The following CA10 variants were observed in gnomAD, a reference collection of about 807,000 sequenced individuals.
CA10 encodes the protein carbonic anhydrase 10 (inactive).
Under a neutral mutation model 44.2 loss-of-function variants are expected in CA10, and 14 were observed. That is an observed-to-expected ratio of 0.32 (90% CI 0.21 to 0.50). CA10 has a LOEUF of 0.50. Ranked by LOEUF, CA10 falls within the 20% of genes least tolerant of loss-of-function variation. The pLI, the probability that CA10 is intolerant of heterozygous loss-of-function variation, is 0.99. For missense variants in CA10, 350 were observed against 409.7 expected, an observed-to-expected ratio of 0.85 and a Z score of 1.26; for synonymous variants, 159 against 141.6, an observed-to-expected ratio of 1.12 and a Z score of -0.87.
Position 51,951,467 on chromosome 17 carries a change from T to A in CA10, c.137-20335A>T, listed in dbSNP as rs113071370. Among the ~76,000 whole-genome samples, 814 of 152,274 alleles carry A rather than the reference T, an allele frequency of 5.3e-3. 5 individuals carry two copies. Among genetic ancestry groups the A allele is most frequent in the African/African-American group, 0.019 (776 of 41,570 alleles). On this transcript the variant is annotated intron_variant, in intron 2 of 8. Transcript: ENST00000451037. ...TATGATGCTCCATTACTTAATTATC[T>A]TATAACTCTTAGGGCTTAGTTGCCC...
intron 1 of CA10, among the ~76,000 whole-genome samples, chr17:52,100,853 G>T (rs911540706): frequency 1.3e-5 from 2 of 152,152 alleles, no homozygotes; most frequent in African/African-American, 4.8e-5. Context: ...TACATGCTTA[G>T]TAAGGTCTTT....
At chr17:51,806,037 G>A (rs374918225) in intron 3 of CA10, among the ~76,000 whole-genome samples, 30 of 152,258 alleles carry the variant, frequency 2.0e-4, no homozygotes, top group Middle Eastern at 3.4e-3. Context: ...AAAGGAGGCC[G>A]CTGCACTTAA....
intron 2 of CA10, among the ~76,000 whole-genome samples, chr17:52,028,755 G>A (rs1986375683): frequency 6.6e-6 from 1 of 152,188 alleles, no homozygotes; most frequent in Admixed American, 6.5e-5. Context: ...CCATCATCTT[G>A]ATTTAGACAT....
intron 3 of CA10, among the ~76,000 whole-genome samples, chr17:51,927,620 C>A (rs553090271): frequency 5.3e-5 from 8 of 152,118 alleles, no homozygotes; most frequent in African/African-American, 1.9e-4. Flanking sequence ...TGTGACTATA[C>A]ACTAAAATTA....
At chr17:51,910,719 G>A (rs942699032) in intron 3 of CA10, among the ~76,000 whole-genome samples, 1 of 152,126 alleles carries the variant, frequency 6.6e-6, no homozygotes, top group Non-Finnish European at 1.5e-5. Context: ...AGGAAGCAAG[G>A]TTTTTCCTAG....
intron 5 of CA10, among the ~76,000 whole-genome samples, chr17:51,649,970 C>A (rs1363110629): frequency 8.3e-6 from 1 of 121,036 alleles, no homozygotes; most frequent in Non-Finnish European, 1.8e-5. Context: ...ACCATCCATC[C>A]ATCCAGCCAG....
chr17:52,098,743 G>A (rs192481901), intron 1 of CA10, among the ~76,000 whole-genome samples: 70 of 152,282 alleles, frequency 4.6e-4, no homozygotes, highest in Non-Finnish European at 8.1e-4. Context: ...CCAGTCCATA[G>A]AGAAGGTATA....
chr17:52,029,732 CAAGAA>C (rs921895447), intron 2 of CA10, among the ~76,000 whole-genome samples: 8 of 152,040 alleles, frequency 5.3e-5, no homozygotes, highest in African/African-American at 1.9e-4. Flanking sequence ...TTGACTCTCT[CAAGAA>C]AAGAAAAGAA....
At chr17:51,912,738 A>G (rs1026368192) in intron 3 of CA10, among the ~76,000 whole-genome samples, 3 of 152,204 alleles carry the variant, frequency 2.0e-5, no homozygotes, top group African/African-American at 7.2e-5. Flanking sequence ...CATTTTCCTG[A>G]TATCATACCC....
At chr17:51,989,738 T>C (rs1038790772) in intron 2 of CA10, among the ~76,000 whole-genome samples, 11 of 152,092 alleles carry the variant, frequency 7.2e-5, no homozygotes, top group South Asian at 4.1e-4. Flanking sequence ...AATGATACTG[T>C]TGCAGCTCGC....
At chr17:51,985,301 G>A (rs553252814) in intron 2 of CA10, among the ~76,000 whole-genome samples, 1 of 152,080 alleles carries the variant, frequency 6.6e-6, no homozygotes, top group South Asian at 2.1e-4. Flanking sequence ...AAAAGCATTT[G>A]ACAAAATCCA....
intron 4 of CA10, chr17:51,661,965 G>A (rs1914023480): frequency 6.6e-6 from 1 of 152,192 alleles, no homozygotes; most frequent in Non-Finnish European, 1.5e-5. Context: ...AAAAGAATGG[G>A]CGTGGCTGGG....
chr17:51,914,417 C>T (rs1432507582), intron 3 of CA10, among the ~76,000 whole-genome samples: 4 of 152,052 alleles, frequency 2.6e-5, no homozygotes, highest in East Asian at 3.9e-4. Flanking sequence ...TTTGATGGAA[C>T]GTGTAAAAAA....
In CA10 at chr17:51,717,833, A is replaced by ACGTG. The variant is rs1341730605; in HGVS notation, c.465+29799_465+29800insCACG. 3.1e-4 allele frequency among the ~76,000 whole-genome samples: 18 copies of ACGTG among 58,520 alleles called. 1 individual carries two copies. Among genetic ancestry groups the ACGTG allele is most frequent in the African/African-American group, 1.6e-3 (18 of 11,086 alleles). The allele number at this position is 58,520 out of a possible 152,430, so 38.4% of individuals were successfully genotyped here. ...TACACGTATATATATGTGTGTGTAT[A>ACGTG]TATATATATATATATATATATATAT... On this transcript the variant is annotated intron_variant, in intron 4 of 8. Transcript: ENST00000451037.
intron 1 of CA10, among the ~76,000 whole-genome samples, chr17:52,078,195 A>AG (rs1430299711): frequency 1.3e-5 from 2 of 152,234 alleles, no homozygotes; most frequent in Non-Finnish European, 2.9e-5. Flanking sequence ...TGGAAATTAC[A>AG]GTGGTCTCTT....
intron 4 of CA10, among the ~76,000 whole-genome samples, chr17:51,723,784 G>T (rs967505034): frequency 2.6e-5 from 4 of 152,218 alleles, no homozygotes; most frequent in African/African-American, 9.7e-5. Flanking sequence ...CTGGACTTCA[G>T]TGTGAAGCTG....
intron 1 of CA10, among the ~76,000 whole-genome samples, chr17:52,092,260 T>TA (rs1296164683): frequency 6.6e-5 from 10 of 152,212 alleles, no homozygotes; most frequent in African/African-American, 2.4e-4. Context: ...AGGGGACTAA[T>TA]ATAGCATTTA....
rs182479721 is a variant in CA10 at position 51,955,377 on chromosome 17, G to T, written c.137-24245C>A. Reference sequence around the variant, plus strand: ...CACATTGTAAAGTCCGCATTCCTTAGCATAGCAAGCCAGGTGCTTTTTGGA... The same window carrying T: ...CACATTGTAAAGTCCGCATTCCTTATCATAGCAAGCCAGGTGCTTTTTGGA... On this transcript the variant is annotated intron_variant, in intron 2 of 8. Coordinates refer to ENST00000451037, the MANE Select transcript of CA10 (RefSeq NM_020178.5). Among the ~76,000 whole-genome samples the T allele has an allele frequency of 2.6e-5, 4 of 152,194 alleles. No homozygotes were observed. In the East Asian group the frequency reaches 7.7e-4, roughly 29 times the overall value.
chr17:51,789,306 G>A (rs538549194), intron 3 of CA10, among the ~76,000 whole-genome samples: 32 of 152,322 alleles, frequency 2.1e-4, no homozygotes, highest in African/African-American at 7.2e-4. Flanking sequence ...GTGAGCCACC[G>A]TGCCCGGCCC....
Sources: gnomAD v4.1 joint callset for allele counts (sites outside exome capture counted in the v4.1 genomes callset) on GRCh38, gnomAD v4.1.1 for gene constraint, MANE v1.5 for transcripts, NCBI Gene and HGNC (gene_info 2026-07-23, HGNC 2026-07-21) for gene names.